TLK1: variants seen among roughly 807,000 people sequenced by gnomAD.
TLK1 encodes serine/threonine-protein kinase tousled-like 1.
Under a neutral mutation model 105.3 loss-of-function variants are expected in TLK1, and 24 were observed. The observed-to-expected ratio is 0.23, with a 90% CI of 0.17 to 0.32. The LOEUF (loss-of-function observed/expected upper bound fraction) is 0.32, where lower values mean the gene tolerates loss of function less well. Ranked by LOEUF, TLK1 falls within the 10% of genes least tolerant of loss-of-function variation. The probability of loss-of-function intolerance (pLI) is 1.00; values close to 1 mark genes in which losing one functional copy is unlikely to be tolerated. For synonymous variants in TLK1, 321 were observed against 310.4 expected (o/e 1.03, Z -0.36); for missense variants, 558 against 910.5 (o/e 0.61, Z 4.98).
At chr2:171,201,997 G>T (rs990191784) in intron 1 of TLK1, among the ~76,000 whole-genome samples, 2 of 152,080 alleles carry the variant, frequency 1.3e-5, no homozygotes, top group Non-Finnish European at 2.9e-5. Context: ...GCCTTGCACA[G>T]GGAAGAGGGG....
intron 1 of TLK1, among the ~76,000 whole-genome samples, chr2:171,225,833 C>T (rs1257402275): frequency 6.6e-6 from 1 of 152,156 alleles, no homozygotes; most frequent in Non-Finnish European, 1.5e-5. Context: ...AACTGAGAAT[C>T]AGCCATTTTT....
At chr2:171,085,288 G>T (rs1380486593) in intron 2 of TLK1, among the ~76,000 whole-genome samples, 1 of 151,996 alleles carries the variant, frequency 6.6e-6, no homozygotes, top group East Asian at 1.9e-4. Context: ...TACTTGGGAG[G>T]CTGAGGCAGG....
chr2:171,049,314 G>A (rs1687118911), intron 10 of TLK1, among the ~76,000 whole-genome samples: 2 of 152,000 alleles, frequency 1.3e-5, no homozygotes, highest in Middle Eastern at 3.4e-3. Flanking sequence ...AATAAATAGA[G>A]TTTACCTCAG....
intron 1 of TLK1, among the ~76,000 whole-genome samples, chr2:171,189,312 G>A (rs1393624358): frequency 1.3e-5 from 2 of 151,924 alleles, no homozygotes; most frequent in Non-Finnish European, 2.9e-5. Flanking sequence ...GATTACAGGC[G>A]CCCACCACCA....
chr2:171,216,175 T>C (rs942461929), intron 1 of TLK1, among the ~76,000 whole-genome samples: 8 of 152,110 alleles, frequency 5.3e-5, no homozygotes, highest in African/African-American at 1.7e-4. Context: ...CTAACCACTA[T>C]GCTGCCTTAA....
chr2:171,038,218 T>A (rs1424777357), intron 11 of TLK1, among the ~76,000 whole-genome samples: 2 of 152,196 alleles, frequency 1.3e-5, no homozygotes, highest in Non-Finnish European at 2.9e-5. Flanking sequence ...CTGTGGTTTT[T>A]AAAAATCAAT....
At chr2:171,081,808 T>A (rs1688765846) in intron 3 of TLK1, 1 of 753,330 alleles carries the variant, frequency 1.3e-6, no homozygotes, top group Non-Finnish European at 2.0e-6. Flanking sequence ...TACCTAGAGA[T>A]TTCTAGATGC....
At chr2:171,015,535 A>C (rs1685138896) in intron 12 of TLK1, among the ~76,000 whole-genome samples, 1 of 151,624 alleles carries the variant, frequency 6.6e-6, no homozygotes, top group South Asian at 2.1e-4. Context: ...GTAGACTCTA[A>C]GGTATCAGAG....
At chr2:171,077,163 G>T (rs1328792698) in intron 3 of TLK1, among the ~76,000 whole-genome samples, 1 of 152,138 alleles carries the variant, frequency 6.6e-6, no homozygotes, top group Admixed American at 6.5e-5. Context: ...TTTCCTTTCA[G>T]CTGATAACCT....
At chr2:171,123,369 G>C (rs1223676757) in intron 1 of TLK1, among the ~76,000 whole-genome samples, 8 of 122,316 alleles carry the variant, frequency 6.5e-5, no homozygotes, top group African/African-American at 3.2e-4. Context: ...GCTAATTTTT[G>C]TAATTTTTTT....
At chr2:171,170,965 A>T (rs962947544) in intron 1 of TLK1, among the ~76,000 whole-genome samples, 1 of 152,232 alleles carries the variant, frequency 6.6e-6, no homozygotes, top group Non-Finnish European at 1.5e-5. Flanking sequence ...CCAGAGGGGA[A>T]AATACGTACT....
intron 1 of TLK1, among the ~76,000 whole-genome samples, chr2:171,134,283 T>C (rs1691217823): frequency 6.6e-6 from 1 of 152,216 alleles, no homozygotes; most frequent in Non-Finnish European, 1.5e-5. Context: ...AGCTTCTCTA[T>C]TAGACTGGCA....
chr2:171,215,118 T>G (rs1045828023), intron 1 of TLK1, among the ~76,000 whole-genome samples: 8 of 152,096 alleles, frequency 5.3e-5, no homozygotes, highest in African/African-American at 1.9e-4. Context: ...TTTTTGTAGT[T>G]TTTGTAGAGG....
At chr2:171,195,320 G>A (rs1007219810) in intron 1 of TLK1, among the ~76,000 whole-genome samples, 8 of 151,836 alleles carry the variant, frequency 5.3e-5, no homozygotes, top group Non-Finnish European at 1.0e-4. Flanking sequence ...TGGCTAACAC[G>A]GTGAAACCCC....
At chr2:171,048,694 ATGT>A (rs1407879379) in intron 10 of TLK1, among the ~76,000 whole-genome samples, 2 of 152,284 alleles carry the variant, frequency 1.3e-5, no homozygotes, top group African/African-American at 2.4e-5. Flanking sequence ...TAGCACAGAT[ATGT>A]TGAAGAAAAG....
chr2:171,115,172 TTC>T lies in TLK1; in HGVS notation c.258+2565_258+2566del, dbSNP rs1320410244. Among the ~76,000 whole-genome samples the T allele has an allele frequency of 1.4e-4, 20 of 145,072 alleles. 2 individuals are homozygous for T. Among genetic ancestry groups the T allele is most frequent in the South Asian group, 2.1e-4 (1 of 4,732 alleles). ...CTTGCTTCATCTTTTAAGAATTTCT[TTC>T]TTTTTTTTTTTTTTGAGACTGAGTT... On this transcript the variant is annotated intron_variant, in intron 2 of 20. Coordinates refer to ENST00000431350, the MANE Select transcript of TLK1 (RefSeq NM_012290.5).
At chr2:170,996,503 C>T in intron 20 of TLK1, 150 bp downstream of exon 20, 1 of 522,570 alleles carries the variant, frequency 1.9e-6, no homozygotes, top group Non-Finnish European at 3.3e-6. Flanking sequence ...GCAACTCCTT[C>T]TCTGAAAGTA....
At position 171,065,541 on chromosome 2, in the gene TLK1, CTT is replaced by C. The variant is rs34975890; in HGVS notation, c.331-4387_331-4386del. Among the ~76,000 whole-genome samples, 320 of 140,264 alleles carry C rather than the reference CTT, an allele frequency of 2.3e-3. 1 individual carries two copies. Among genetic ancestry groups the C allele is most frequent in the Middle Eastern group, 3.6e-3 (1 of 274 alleles). 92.0% of individuals were successfully genotyped at this position (140,264 alleles called of 152,430 possible). ...ACTGCAACTTCACTGGCTATTCTTTCTTTTTTTTTTTTTTGAGACGGAGTCTC... is the reference window on the plus strand; with the variant it reads ...ACTGCAACTTCACTGGCTATTCTTTCTTTTTTTTTTTTGAGACGGAGTCTC... On this transcript the variant is annotated intron_variant, in intron 3 of 20. Transcript: ENST00000431350.
intron 3 of TLK1, among the ~76,000 whole-genome samples, chr2:171,063,860 A>G (rs1228218556): frequency 1.3e-5 from 2 of 152,262 alleles, no homozygotes; most frequent in Admixed American, 1.3e-4. Context: ...GTGGGAAGAT[A>G]CAATAAATTT....
Sources: allele counts gnomAD v4.1 joint callset (sites outside exome capture counted in the v4.1 genomes callset), GRCh38; gene constraint gnomAD v4.1.1; transcripts MANE v1.5; gene names NCBI Gene and HGNC (gene_info 2026-07-23, HGNC 2026-07-21).